TBC1D4: variants seen among roughly 807,000 people sequenced by gnomAD.
The protein encoded by TBC1D4 is TBC1 domain family member 4.
A neutral mutation model predicts 142.5 loss-of-function variants in TBC1D4; 121 were observed. The ratio of observed to expected loss-of-function variants is 0.85; its 90% confidence interval spans 0.73 to 0.99. The LOEUF (loss-of-function observed/expected upper bound fraction) is 0.99, where lower values mean the gene tolerates loss of function less well. Among genes scored for constraint, TBC1D4 ranks in the 50% least tolerant of loss-of-function variants. The pLI, the probability that TBC1D4 is intolerant of heterozygous loss-of-function variation, is 0.00. For synonymous variants in TBC1D4, 630 were observed against 628.2 expected, an observed-to-expected ratio of 1.00 and a Z score of -0.04; for missense variants, 1,475 against 1,606.6, an observed-to-expected ratio of 0.92 and a Z score of 1.40.
intron 1 of TBC1D4, among the ~76,000 whole-genome samples, chr13:75,436,034 C>T (rs1472196341): frequency 2.0e-5 from 3 of 152,166 alleles, no homozygotes; most frequent in African/African-American, 7.2e-5. Flanking sequence ...CCATAATCCC[C>T]ACGTGTCATG....
At chr13:75,440,035 C>T (rs1202868219) in intron 1 of TBC1D4, among the ~76,000 whole-genome samples, 3 of 152,008 alleles carry the variant, frequency 2.0e-5, no homozygotes, top group Non-Finnish European at 4.4e-5. Flanking sequence ...GAGGATAGAA[C>T]ACAATCATTG....
intron 14 of TBC1D4, among the ~76,000 whole-genome samples, chr13:75,306,874 A>G (rs1877240767): frequency 6.6e-6 from 1 of 152,198 alleles, no homozygotes; most frequent in African/African-American, 2.4e-5. Flanking sequence ...AACATGATAC[A>G]TTTTTATAAC....
intron 1 of TBC1D4, among the ~76,000 whole-genome samples, chr13:75,408,362 C>G (rs533826665): frequency 6.6e-6 from 1 of 152,242 alleles, no homozygotes; most frequent in East Asian, 1.9e-4. Flanking sequence ...CACGGATGGA[C>G]ATTTGGGTTG....
intron 1 of TBC1D4, among the ~76,000 whole-genome samples, chr13:75,452,664 G>GT: frequency 6.6e-6 from 1 of 152,202 alleles, no homozygotes; most frequent in South Asian, 2.1e-4. Context: ...ACAAATTGCC[G>GT]TAAGTGATTT....
intron 1 of TBC1D4, among the ~76,000 whole-genome samples, chr13:75,447,562 A>G (rs1367823774): frequency 1.3e-5 from 2 of 151,480 alleles, no homozygotes; most frequent in African/African-American, 4.9e-5. Context: ...TACTGTTTAT[A>G]TATATATATG....
At chr13:75,361,073 T>G (rs1379753899) in intron 2 of TBC1D4, among the ~76,000 whole-genome samples, 1 of 152,218 alleles carries the variant, frequency 6.6e-6, no homozygotes, top group Non-Finnish European at 1.5e-5. Context: ...AGGAATTAAG[T>G]TATTTTAAGC....
rs1566523398 is a variant in TBC1D4 at position 75,481,572 on chromosome 13, T to A, written c.196A>T (p.Ser66Cys). The change falls in exon 1 of 21, where the codon AGC (serine) becomes TGC (cysteine). Residue 66 changes from serine to cysteine, a missense_variant. Ser to Cys is a moderately radical substitution (Grantham distance 112). Transcript: ENST00000377636. ...PWLMAEIRRR[S>C]QKPEAGGCGA... Reference sequence around the variant, plus strand: ...CAGCCGCCCGCCTCGGGCTTCTGGCTGCGCCTGCGGATCTCGGCCATGAGC... The same window carrying A: ...CAGCCGCCCGCCTCGGGCTTCTGGCAGCGCCTGCGGATCTCGGCCATGAGC... The A allele has an allele frequency of 6.2e-7, 1 of 1,601,098 alleles. No homozygotes were observed. The highest frequency in any genetic ancestry group is 8.5e-7 in the Non-Finnish European group (1 of 1,174,192).
chr13:75,335,008 C>T (rs907187543), intron 8 of TBC1D4, among the ~76,000 whole-genome samples: 1 of 142,478 alleles, frequency 7.0e-6, no homozygotes, highest in Non-Finnish European at 1.5e-5. Flanking sequence ...CAGACACTGT[C>T]CTCATCCCAC....
At chr13:75,397,010 G>A (rs1884828451) in intron 1 of TBC1D4, among the ~76,000 whole-genome samples, 1 of 152,134 alleles carries the variant, frequency 6.6e-6, no homozygotes, top group Admixed American at 6.6e-5. Context: ...AGGACACATT[G>A]CCATCAGTCC....
At chr13:75,395,756 G>A (rs771043938) in intron 1 of TBC1D4, among the ~76,000 whole-genome samples, 1 of 152,138 alleles carries the variant, frequency 6.6e-6, no homozygotes, top group Non-Finnish European at 1.5e-5. Context: ...CTTGAACCCG[G>A]GAGGCGGAGG....
intron 1 of TBC1D4, among the ~76,000 whole-genome samples, chr13:75,368,526 C>G (rs1331639969): frequency 1.3e-5 from 2 of 152,192 alleles, no homozygotes; most frequent in Non-Finnish European, 1.5e-5. Flanking sequence ...TTTTTGATGG[C>G]CTCTAAGTTA....
At chr13:75,357,180 A>T (rs1048740464) in intron 3 of TBC1D4, among the ~76,000 whole-genome samples, 2 of 152,210 alleles carry the variant, frequency 1.3e-5, no homozygotes, top group African/African-American at 4.8e-5. Flanking sequence ...TAGAACTAAG[A>T]AATATAATTC....
intron 1 of TBC1D4, among the ~76,000 whole-genome samples, chr13:75,463,890 T>C (rs1888068138): frequency 6.6e-6 from 1 of 152,130 alleles, no homozygotes; most frequent in African/African-American, 2.4e-5. Context: ...TCTAAAGTTA[T>C]CCTGAATTGT....
At chr13:75,373,547 C>G (rs1444680599) in intron 1 of TBC1D4, among the ~76,000 whole-genome samples, 1 of 152,206 alleles carries the variant, frequency 6.6e-6, no homozygotes, top group Non-Finnish European at 1.5e-5. Flanking sequence ...AGGCACTAGT[C>G]TCCCCACATA....
chr13:75,439,906 T>C (rs1886964708), intron 1 of TBC1D4, among the ~76,000 whole-genome samples: 1 of 152,102 alleles, frequency 6.6e-6, no homozygotes, highest in Non-Finnish European at 1.5e-5. Context: ...ATATATGCAA[T>C]ATTCCAAACA....
At chr13:75,363,944 G>A (rs115074753) in intron 1 of TBC1D4, among the ~76,000 whole-genome samples, 4,258 of 152,262 alleles carry the variant, frequency 0.028, 165 homozygotes, top group African/African-American at 0.081. Flanking sequence ...ACAGCCTCAG[G>A]AGGTTCTGAG....
In TBC1D4 at chr13:75,382,888, C is replaced by T. The variant is rs140800334; in HGVS notation, c.499-20281G>A. Among the ~76,000 whole-genome samples, 52 of 152,268 alleles carry T rather than the reference C, an allele frequency of 3.4e-4. No homozygotes were observed. The East Asian group carries it at 4.4e-3, about 13-fold the overall frequency. Reference sequence around the variant, plus strand: ...ATATACAATTCAAATTAATTTCACCCGTCTCTTTTGACTTCTTTTAATCTG... The same window carrying T: ...ATATACAATTCAAATTAATTTCACCTGTCTCTTTTGACTTCTTTTAATCTG... On this transcript the variant is annotated intron_variant, in intron 1 of 20. Coordinates refer to ENST00000377636, the MANE Select transcript of TBC1D4 (RefSeq NM_014832.5).
At chr13:75,372,898 T>G (rs1883297453) in intron 1 of TBC1D4, among the ~76,000 whole-genome samples, 1 of 151,586 alleles carries the variant, frequency 6.6e-6, no homozygotes, top group South Asian at 2.1e-4. Flanking sequence ...TGCTAGAGAG[T>G]TTAAAGCAGG....
intron 1 of TBC1D4, among the ~76,000 whole-genome samples, chr13:75,411,703 T>A (rs117470274): frequency 1.5e-3 from 222 of 151,978 alleles, no homozygotes; most frequent in African/African-American, 3.3e-3. Context: ...TTTTATTTTT[T>A]TTTTTTTTCT....
Sources: gnomAD v4.1 joint callset for allele counts (sites outside exome capture counted in the v4.1 genomes callset) on GRCh38, gnomAD v4.1.1 for gene constraint, MANE v1.5 for transcripts, NCBI Gene and HGNC (gene_info 2026-07-23, HGNC 2026-07-21) for gene names.